Variants in BRINP3 observed in about 807,000 individuals in gnomAD.
BRINP3 encodes BMP/retinoic acid-inducible neural-specific protein 3.
Under a neutral mutation model 71.0 loss-of-function variants are expected in BRINP3, and 19 were observed. The observed-to-expected ratio is 0.27, with a 90% CI of 0.19 to 0.39. The LOEUF is 0.39. BRINP3 is among the 10% of genes least tolerant of loss of function. BRINP3 has a pLI of 1.00. For missense variants in BRINP3, 959 were observed against 940.8 expected, an observed-to-expected ratio of 1.02 and a Z score of -0.25; for synonymous variants, 380 against 337.7, an observed-to-expected ratio of 1.13 and a Z score of -1.37.
chr1:190,124,989 T>C (rs565456961), intron 7 of BRINP3, among the ~76,000 whole-genome samples: 7 of 152,108 alleles, frequency 4.6e-5, no homozygotes, highest in Non-Finnish European at 1.0e-4. Context: ...CAGAGAATCA[T>C]GGAAATTAAA....
intron 7 of BRINP3, among the ~76,000 whole-genome samples, chr1:190,146,041 G>A (rs1655861571): frequency 6.6e-6 from 1 of 152,088 alleles, no homozygotes; most frequent in Non-Finnish European, 1.5e-5. Context: ...AATGGACTTT[G>A]GGGACTTGGA....
intron 6 of BRINP3, among the ~76,000 whole-genome samples, chr1:190,208,401 G>A (rs773701922): frequency 1.3e-4 from 20 of 152,056 alleles, no homozygotes; most frequent in Non-Finnish European, 2.6e-4. Flanking sequence ...TAAAAAGCAG[G>A]TAAGGGTTTT....
At chr1:190,462,973 G>A (rs749230821) in intron 1 of BRINP3, among the ~76,000 whole-genome samples, 1 of 147,104 alleles carries the variant, frequency 6.8e-6, no homozygotes, top group Non-Finnish European at 1.5e-5. Context: ...TTGAATTAAA[G>A]TGATAGTTTA....
At chr1:190,167,514 A>G (rs757348902) in intron 6 of BRINP3, among the ~76,000 whole-genome samples, 1 of 152,110 alleles carries the variant, frequency 6.6e-6, no homozygotes, top group Non-Finnish European at 1.5e-5. Flanking sequence ...CCCAATTCCT[A>G]CCCATTCAAA....
chr1:190,164,365 T>G (rs751203318), intron 6 of BRINP3, among the ~76,000 whole-genome samples: 2 of 152,122 alleles, frequency 1.3e-5, no homozygotes, highest in Admixed American at 1.3e-4. Context: ...ATAAATCAAC[T>G]AAAATAACTC....
At chr1:190,429,701 C>T (rs1673964985) in intron 2 of BRINP3, among the ~76,000 whole-genome samples, 1 of 151,592 alleles carries the variant, frequency 6.6e-6, no homozygotes, top group South Asian at 2.1e-4. Context: ...AACGATTCTC[C>T]TGCCTCAGAC....
In BRINP3 at chr1:190,271,830, C is replaced by G. The variant is rs1246853794; in HGVS notation, c.428-6775G>C. 2.0e-5 allele frequency among the ~76,000 whole-genome samples: 3 copies of G among 151,492 alleles called. No individual in the cohort carries two copies. In the South Asian group the frequency reaches 6.2e-4, roughly 31 times the overall value. ...AGCCATACTTCACCCCCCAAAATAG[C>G]TGGAGCACATGCTCATTATTAAACA... On this transcript the variant is annotated intron_variant, in intron 3 of 7. Coordinates refer to ENST00000367462, the MANE Select transcript of BRINP3 (RefSeq NM_199051.3).
At chr1:190,250,988 G>T (rs1660082806) in intron 4 of BRINP3, among the ~76,000 whole-genome samples, 1 of 151,808 alleles carries the variant, frequency 6.6e-6, no homozygotes, top group African/African-American at 2.4e-5. Context: ...TGGTGAAGAT[G>T]GGAGGATCTC....
chr1:190,300,262 T>C (rs1264161092), intron 2 of BRINP3, among the ~76,000 whole-genome samples: 1 of 152,138 alleles, frequency 6.6e-6, no homozygotes, highest in Non-Finnish European at 1.5e-5. Context: ...TTTATTCTTT[T>C]TTCTCTAAAC....
intron 2 of BRINP3, among the ~76,000 whole-genome samples, chr1:190,307,904 T>C (rs1175287104): frequency 6.6e-6 from 1 of 151,950 alleles, no homozygotes; most frequent in East Asian, 1.9e-4. Context: ...GCAAGAAAAT[T>C]AGGAAACTTT....
intron 1 of BRINP3, among the ~76,000 whole-genome samples, chr1:190,473,692 G>A (rs1677301342): frequency 6.6e-6 from 1 of 151,484 alleles, no homozygotes; most frequent in Admixed American, 6.6e-5. Context: ...TCTGATAGTG[G>A]AAGAAATCTA....
rs184894949 is a variant in BRINP3, at chr1:190,206,152, A to G, written c.961+19930T>C. Among the ~76,000 whole-genome samples, 3 of 152,180 alleles carry G rather than the reference A, an allele frequency of 2.0e-5. No individual in the cohort carries two copies. The East Asian group carries it at 5.8e-4, about 30-fold the overall frequency. On this transcript the variant is annotated intron_variant, in intron 6 of 7. Coordinates refer to ENST00000367462, the MANE Select transcript of BRINP3 (RefSeq NM_199051.3). ...AGGTTAACTTGGGGTTCACTGCTTT[A>G]CTACATGACTTAAATGTAACAACAC...
At chr1:190,158,232 T>C (rs1167288228) in intron 7 of BRINP3, among the ~76,000 whole-genome samples, 1 of 152,030 alleles carries the variant, frequency 6.6e-6, no homozygotes, top group Non-Finnish European at 1.5e-5. Context: ...CCTGCACAAG[T>C]TCTCTCTTTG....
At chr1:190,336,224 C>T (rs1558192467) in intron 2 of BRINP3, among the ~76,000 whole-genome samples, 1 of 151,986 alleles carries the variant, frequency 6.6e-6, no homozygotes, top group South Asian at 2.1e-4. Context: ...TTCTATTTAA[C>T]AATATAATTG....
intron 6 of BRINP3, among the ~76,000 whole-genome samples, chr1:190,187,891 G>GT (rs56323142): frequency 0.35 from 53,098 of 150,006 alleles, 9,391 homozygotes; most frequent in Middle Eastern, 0.42. Flanking sequence ...TCAAATTTCA[G>GT]TTTTTTTTTC....
At chr1:190,202,904 G>A (rs570012169) in intron 6 of BRINP3, among the ~76,000 whole-genome samples, 3 of 152,160 alleles carry the variant, frequency 2.0e-5, no homozygotes, top group African/African-American at 7.2e-5. Context: ...GCCTAATACA[G>A]AAGATTAGTT....
chr1:190,416,044 A>C (rs1571994738), intron 2 of BRINP3, among the ~76,000 whole-genome samples: 1 of 152,270 alleles, frequency 6.6e-6, no homozygotes, highest in Middle Eastern at 3.4e-3. Flanking sequence ...GTTAAAATAC[A>C]TTTTGGTCCC....
chr1:190,469,044 G>A (rs1427137353), intron 1 of BRINP3, among the ~76,000 whole-genome samples: 4 of 150,726 alleles, frequency 2.7e-5, no homozygotes, highest in Admixed American at 6.6e-5. Context: ...CATCTGATAA[G>A]CACAGATTTC....
At chr1:190,373,035 T>C (rs1669959775) in intron 2 of BRINP3, among the ~76,000 whole-genome samples, 2 of 152,140 alleles carry the variant, frequency 1.3e-5, no homozygotes, top group Non-Finnish European at 2.9e-5. Context: ...AGACATTAAA[T>C]AGCTGAGAAG....
Sources: gnomAD v4.1 joint callset for allele counts (sites outside exome capture counted in the v4.1 genomes callset) on GRCh38, gnomAD v4.1.1 for gene constraint, MANE v1.5 for transcripts, NCBI Gene and HGNC (gene_info 2026-07-23, HGNC 2026-07-21) for gene names.